The following HTR1F variants were observed in gnomAD, a reference collection of about 807,000 sequenced individuals.
HTR1F encodes the protein 5-hydroxytryptamine (serotonin) receptor 1F, G protein-coupled.
A neutral mutation model predicts 24.0 loss-of-function variants in HTR1F; 17 were observed. The ratio of observed to expected loss-of-function variants is 0.71; its 90% CI spans 0.48 to 1.06. The LOEUF is 1.06. Among genes scored for constraint, HTR1F ranks in the 50% least tolerant of loss-of-function variants. HTR1F has a pLI of 0.00. For missense variants in HTR1F, 391 were observed against 427.8 expected, an observed-to-expected ratio of 0.91 and a Z score of 0.76; for synonymous variants, 186 against 156.8, an observed-to-expected ratio of 1.19 and a Z score of -1.39.
chr3:87,930,560 T>C lies in HTR1F; in HGVS notation c.-42-60148T>C, dbSNP rs552087850. ...AGAGACAATCATATGGTTTTTGTTT[T>C]TAGTTCTGTGTATGTGATGAATCAT... On this transcript the variant is annotated intron_variant, in intron 2 of 2. Coordinates refer to ENST00000319595, the MANE Select transcript of HTR1F (RefSeq NM_001322209.2). Among the ~76,000 whole-genome samples the C allele has an allele frequency of 1.4e-4, 21 of 152,334 alleles. No homozygotes were observed. In the South Asian group the frequency reaches 4.3e-3, roughly 32 times the overall value.
chr3:87,945,860 G>C lies in HTR1F; in HGVS notation c.-42-44848G>C, dbSNP rs181148588. On this transcript the variant is annotated intron_variant, in intron 2 of 2. Transcript: ENST00000319595. The stretch of plus-strand genomic sequence containing the variant: ...CCTTCTTGGTCGCCAAAATGTTACC[G>C]GGGGGGTCCTTGCTCCCAGAGCTCC... Among the ~76,000 whole-genome samples, 141 of 144,198 alleles carry C rather than the reference G, an allele frequency of 9.8e-4. 1 individual carries two copies. Among genetic ancestry groups the C allele is most frequent in the Admixed American group, 4.8e-3 (71 of 14,754 alleles). 94.6% of individuals were successfully genotyped at this position (144,198 alleles called of 152,430 possible). A position where few individuals can be genotyped will look rare whatever the true frequency, so the allele number is the denominator to read the frequency against.
At chr3:87,912,885 T>C (rs1453102548) in intron 2 of HTR1F, among the ~76,000 whole-genome samples, 1 of 152,124 alleles carries the variant, frequency 6.6e-6, no homozygotes, top group African/African-American at 2.4e-5. Flanking sequence ...TGGCTAGTCA[T>C]ATGCAGAAAA....
chr3:87,958,403 T>C (rs1270927119), intron 2 of HTR1F, among the ~76,000 whole-genome samples: 1 of 151,622 alleles, frequency 6.6e-6, no homozygotes, highest in African/African-American at 2.4e-5. Flanking sequence ...AGTGACTGTC[T>C]GTCTCTCTTT....
chr3:87,927,255 A>C (rs1036471312), intron 2 of HTR1F, among the ~76,000 whole-genome samples: 4 of 152,216 alleles, frequency 2.6e-5, no homozygotes, highest in Admixed American at 1.3e-4. Flanking sequence ...TATGTCCTGG[A>C]GCACTAGAGA....
chr3:87,911,147 C>G (rs765659713), intron 2 of HTR1F, among the ~76,000 whole-genome samples: 2 of 151,580 alleles, frequency 1.3e-5, no homozygotes, highest in African/African-American at 4.8e-5. Context: ...GATCAAGACA[C>G]AAAAAAACAC....
At chr3:87,972,049 A>T (rs1436273819) in intron 2 of HTR1F, among the ~76,000 whole-genome samples, 3 of 152,130 alleles carry the variant, frequency 2.0e-5, no homozygotes, top group Admixed American at 2.0e-4. Context: ...CCCTCAATTA[A>T]CACACAGTGT....
At chr3:87,877,828 T>C (rs1350233976) in intron 2 of HTR1F, among the ~76,000 whole-genome samples, 1 of 152,182 alleles carries the variant, frequency 6.6e-6, no homozygotes, top group African/African-American at 2.4e-5. Context: ...CTGTTTGTCT[T>C]TGGGTAAGGA....
chr3:87,853,774 T>C (rs754509873), intron 2 of HTR1F, among the ~76,000 whole-genome samples: 1 of 152,152 alleles, frequency 6.6e-6, no homozygotes, highest in Non-Finnish European at 1.5e-5. Flanking sequence ...TGTGAGATGG[T>C]ATCTCATTGT....
At chr3:87,839,122 C>CA (rs1439975697) in intron 2 of HTR1F, among the ~76,000 whole-genome samples, 1 of 150,374 alleles carries the variant, frequency 6.7e-6, no homozygotes, top group Non-Finnish European at 1.5e-5. Context: ...GGTTCATACT[C>CA]AAAAAAATCA....
intron 2 of HTR1F, among the ~76,000 whole-genome samples, chr3:87,927,419 T>C (rs527595169): frequency 1.3e-5 from 2 of 152,270 alleles, no homozygotes; most frequent in East Asian, 3.9e-4. Context: ...ATTTTGAATG[T>C]TCCCAGTGAA....
At chr3:87,889,224 C>CTT (rs1218847396) in intron 2 of HTR1F, among the ~76,000 whole-genome samples, 85 of 152,236 alleles carry the variant, frequency 5.6e-4, no homozygotes, top group African/African-American at 1.9e-3. Context: ...TTCCAGCCAG[C>CTT]AGAACCATAA....
At chr3:87,878,661 C>A (rs1705722366) in intron 2 of HTR1F, among the ~76,000 whole-genome samples, 1 of 151,944 alleles carries the variant, frequency 6.6e-6, no homozygotes, top group South Asian at 2.1e-4. Flanking sequence ...GCAGATGCCA[C>A]AAGCACACCA....
At chr3:87,939,503 TG>T (rs1221146250) in intron 2 of HTR1F, among the ~76,000 whole-genome samples, 2 of 152,224 alleles carry the variant, frequency 1.3e-5, no homozygotes, top group African/African-American at 4.8e-5. Flanking sequence ...CATCTGGTCC[TG>T]GGCTTTTTTT....
intron 2 of HTR1F, among the ~76,000 whole-genome samples, chr3:87,916,579 T>C (rs1175773327): frequency 6.6e-6 from 1 of 152,062 alleles, no homozygotes. Context: ...TAGCTATTCT[T>C]ATATCAGACA....
intron 2 of HTR1F, among the ~76,000 whole-genome samples, chr3:87,828,037 T>G (rs1470406470): frequency 2.6e-5 from 4 of 152,214 alleles, no homozygotes; most frequent in Non-Finnish European, 5.9e-5. Context: ...TACACTAGGT[T>G]TGAAGAGTTC....
chr3:87,978,811 G>A (rs1393384330), intron 2 of HTR1F, among the ~76,000 whole-genome samples: 1 of 140,780 alleles, frequency 7.1e-6, no homozygotes, highest in African/African-American at 2.6e-5. Context: ...GGGAAAGACT[G>A]AAGGTCCTAT....
Position 87,820,019 on chromosome 3 carries a change from A to T in HTR1F, c.-159-1989A>T, listed in dbSNP as rs76238384. 6.8e-3 allele frequency among the ~76,000 whole-genome samples: 1,036 copies of T among 152,220 alleles called. 18 individuals are homozygous for T. Among genetic ancestry groups the T allele is most frequent in the African/African-American group, 0.024 (989 of 41,522 alleles). On this transcript the variant is annotated intron_variant, in intron 1 of 2. Coordinates refer to ENST00000319595, the MANE Select transcript of HTR1F (RefSeq NM_001322209.2). ...TTCTGCTTTTTATATTTCTGTGTAG[A>T]TATGTGAATTTCTTTTGGAGAAATA...
chr3:87,955,255 C>T (rs1704919184), intron 2 of HTR1F, among the ~76,000 whole-genome samples: 1 of 151,374 alleles, frequency 6.6e-6, no homozygotes, highest in Non-Finnish European at 1.5e-5. Context: ...TCTGCTTTTT[C>T]GCACCTATAT....
At chr3:87,902,128 C>T (rs568138974) in intron 2 of HTR1F, among the ~76,000 whole-genome samples, 1 of 151,964 alleles carries the variant, frequency 6.6e-6, no homozygotes, top group East Asian at 1.9e-4. Flanking sequence ...TCTTCAGTAC[C>T]TAAAACAATA....
Sources: allele counts gnomAD v4.1 joint callset (sites outside exome capture counted in the v4.1 genomes callset), GRCh38; gene constraint gnomAD v4.1.1; transcripts MANE v1.5; gene names NCBI Gene and HGNC (gene_info 2026-07-23, HGNC 2026-07-21).